MYO1C: variants seen among roughly 807,000 people sequenced by gnomAD.
MYO1C encodes myosin IC.
In MYO1C, 104 loss-of-function variants were observed where a neutral mutation model predicts 150.8. That is an observed-to-expected ratio of 0.69 (90% confidence interval 0.59 to 0.81). The LOEUF is 0.81. MYO1C is among the 30% of genes least tolerant of loss of function. The pLI is 0.00. For missense variants in MYO1C, 1,504 were observed against 1,435.0 expected, an observed-to-expected ratio of 1.05 and a Z score of -0.78; for synonymous variants, 663 against 579.9, an observed-to-expected ratio of 1.14 and a Z score of -2.06.
At position 1,474,604 on chromosome 17, in the gene MYO1C, C is replaced by G; in HGVS notation, c.1797+6G>C. ...ACCCCTGCGCCCGGTCCCGCCACCT[C>G]CTCACCGTCTCTGGCCGCTTCTTGT... On this transcript the variant is annotated splice_donor_region_variant and intron_variant, in intron 17 of 31. Coordinates refer to ENST00000648651, the MANE Select transcript of MYO1C (RefSeq NM_001080779.2). The G allele has an allele frequency of 1.2e-6, 2 of 1,613,748 alleles. No individual in the cohort carries two copies. Among genetic ancestry groups the G allele is most frequent in the Non-Finnish European group, 1.7e-6 (2 of 1,179,902 alleles).
At chr17:1,477,285 T>A in intron 14 of MYO1C, 1 of 584,026 alleles carries the variant, frequency 1.7e-6, no homozygotes. Flanking sequence ...GCTCAAGTGA[T>A]GCTCTTGCCC....
At chr17:1,470,721 A>AGC in intron 21 of MYO1C, 32 bp from the exon 22 acceptor site, 1 of 1,588,774 alleles carries the variant, frequency 6.3e-7, no homozygotes, top group Non-Finnish European at 8.5e-7. Context: ...AATTGGCCAG[A>AGC]GCGCGGGGAG....
At position 1,479,946 on chromosome 17, in the gene MYO1C, G is replaced by C. The variant is rs2150954792; in HGVS notation, c.907-241C>G. The stretch of plus-strand genomic sequence containing the variant: ...GGATCATCTGAGGTCAGGAGTTCGA[G>C]ACCAGCCCAGCCAACATGGCAAAAC... On this transcript the variant is annotated intron_variant, in intron 7 of 31. Transcript: ENST00000648651. This position sits in a 1 kb window ranked among gnomAD's most constrained non-coding sequence, Gnocchi z 4.2. Among the ~76,000 whole-genome samples the C allele has an allele frequency of 6.6e-6, 1 of 152,010 alleles. No homozygotes were observed. Among genetic ancestry groups the C allele is most frequent in the East Asian group, 1.9e-4 (1 of 5,156 alleles).
Position 1,478,356 on chromosome 17 carries a change from A to C in MYO1C, c.1295+54T>G, listed in dbSNP as rs367894460. ...GGAATGAGAGGCTGGAGGACAGAAG[A>C]GAGGGAGCAGGACAGGAGACCGGGA... On this transcript the variant is annotated intron_variant, in intron 11 of 31. Transcript: ENST00000648651. This position sits in a 1 kb window ranked among gnomAD's most constrained non-coding sequence, Gnocchi z 6.3. 4.4e-6 allele frequency: 7 copies of C among 1,605,246 alleles called. No individual in the cohort carries two copies. Among genetic ancestry groups the C allele is most frequent in the Non-Finnish European group, 6.0e-6 (7 of 1,172,120 alleles).
In MYO1C at chr17:1,479,464, C is replaced by T; in HGVS notation, c.1059G>A (p.Leu353=). 6.6e-7 allele frequency: 1 copy of T among 1,516,766 alleles called. No individual in the cohort carries two copies. The highest frequency in any genetic ancestry group is 8.9e-7 in the Non-Finnish European group (1 of 1,117,678). The allele number at this position is 1,516,766 out of a possible 1,614,324, so 94.0% of individuals were successfully genotyped here. The change falls in exon 9 of 32, where the codon CTG becomes CTA. Residue 353 remains leucine (L), a synonymous_variant. Coordinates refer to ENST00000648651, the MANE Select transcript of MYO1C (RefSeq NM_001080779.2). This position sits in a 1 kb window ranked among gnomAD's most constrained non-coding sequence, Gnocchi z 4.2. ...SVEGSTLREA[L]THRKIIAKGE... ...CCTTGGCGATGATCTTCCTGTGTGT[C>T]AGGGCTTCTCGCAGCGTCGAGCCTT... is the stretch of plus-strand genomic sequence containing the variant.
intron 14 of MYO1C, among the ~76,000 whole-genome samples, chr17:1,475,943 C>T (rs2074395608): frequency 6.6e-6 from 1 of 152,130 alleles, no homozygotes; most frequent in Admixed American, 6.6e-5. Context: ...GAGCCTTATA[C>T]ACAAGTTCTC....
Position 1,470,486 on chromosome 17 carries a change from A to C in MYO1C, c.2315T>G (p.Leu772Arg). Reference protein sequence around the residue: ...ICIQSWWRGTLGRRKAAKRKW... With the variant: ...ICIQSWWRGTRGRRKAAKRKW... The stretch of plus-strand genomic sequence containing the variant: ...CCTCTTGGCTGCCTTCCTCCGGCCC[A>C]GTGTTCCACGCCACCACGACTGGAT... The change falls in exon 23 of 32, where the codon CTG becomes CGG. Residue 772 changes from leucine to arginine, a missense_variant. Transcript: ENST00000648651. The C allele has an allele frequency of 6.4e-7, 1 of 1,551,416 alleles. No individual in the cohort carries two copies. The highest frequency in any genetic ancestry group is 8.7e-7 in the Non-Finnish European group (1 of 1,147,320).
At chr17:1,469,381 G>GC in intron 25 of MYO1C, 150 bp downstream of exon 25, 1 of 600,060 alleles carries the variant, frequency 1.7e-6, no homozygotes, top group Non-Finnish European at 2.9e-6. Flanking sequence ...GAGTAGACCA[G>GC]GGTAAATACG....
chr17:1,467,963 C>G (rs758111309), intron 28 of MYO1C, 25 bp downstream of exon 28: 20 of 1,612,838 alleles, frequency 1.2e-5, no homozygotes, highest in East Asian at 4.5e-5. Flanking sequence ...GGGCCCTCCC[C>G]CTGCAGCCCT....
Position 1,478,150 on chromosome 17 carries a change from C to T in MYO1C, c.1338G>A (p.Gln446=). ...FCINYCNEKL[Q]QLFIELTLKS... is the part of the protein sequence containing the mutation. Reference sequence around the variant, plus strand: ...TGAGCGTGAGCTCGATGAAGAGCTGCTGCAGCTTCTCGTTGCAGTAATTGA... The same window carrying T: ...TGAGCGTGAGCTCGATGAAGAGCTGTTGCAGCTTCTCGTTGCAGTAATTGA... Residue 446 remains glutamine, a synonymous_variant, in exon 12 of 32, where the codon CAG becomes CAA. Coordinates refer to ENST00000648651, the MANE Select transcript of MYO1C (RefSeq NM_001080779.2). This position sits in a 1 kb window ranked among gnomAD's most constrained non-coding sequence, Gnocchi z 6.3. 6.2e-7 allele frequency: 1 copy of T among 1,614,078 alleles called. No individual in the cohort carries two copies. The highest frequency in any genetic ancestry group is 8.5e-7 in the Non-Finnish European group (1 of 1,180,044).
chr17:1,478,375 A>AC lies in MYO1C; in HGVS notation c.1295+34dup, dbSNP rs780825270. 1 of 1,612,266 alleles carries AC rather than the reference A, an allele frequency of 6.2e-7. No homozygotes were observed. The highest frequency in any genetic ancestry group is 1.1e-5 in the South Asian group (1 of 91,060). On this transcript the variant is annotated intron_variant, in intron 11 of 31. Transcript: ENST00000648651. This position sits in a 1 kb window ranked among gnomAD's most constrained non-coding sequence, Gnocchi z 6.3. ...CAGAAGAGAGGGAGCAGGACAGGAGACCGGGAGGAGAGACGGGGGAAAGAT... is the reference window on the plus strand; with the variant it reads ...CAGAAGAGAGGGAGCAGGACAGGAGACCCGGGAGGAGAGACGGGGGAAAGAT...
In MYO1C at chr17:1,471,159, G is replaced by T. The variant is rs1390617169; in HGVS notation, c.2136-12C>A. On this transcript the variant is annotated splice_polypyrimidine_tract_variant and intron_variant, in intron 20 of 31. Coordinates refer to ENST00000648651, the MANE Select transcript of MYO1C (RefSeq NM_001080779.2). ...TGAAGATCTTGGTCCTGGGAGAGCA[G>T]TAGTGATCAGCCCGGGGTTGCCACT... 2 of 1,613,972 alleles carry T rather than the reference G, an allele frequency of 1.2e-6. No individual in the cohort carries two copies. The highest frequency in any genetic ancestry group is 1.7e-6 in the Non-Finnish European group (2 of 1,179,980).
At chr17:1,491,086 G>C (rs1441945876) in intron 1 of MYO1C, 1 of 152,292 alleles carries the variant, frequency 6.6e-6, no homozygotes, top group African/African-American at 2.4e-5. Flanking sequence ...CGAGGCACAC[G>C]GTGGGGCTCA....
chr17:1,485,373 C>A (rs2150965423), intron 1 of MYO1C: 10 of 159,290 alleles, frequency 6.3e-5, no homozygotes, highest in Non-Finnish European at 6.5e-5. Context: ...GGGGCCTGCC[C>A]CTCCCAGGCT....
At chr17:1,485,357 T>TGGCCTGGGGCATCACTCAGGGCCC in intron 1 of MYO1C, 1 of 1,076,046 alleles carries the variant, frequency 9.3e-7, no homozygotes, top group East Asian at 8.6e-5. Flanking sequence ...CCCAGATTTC[T>TGGCCTGGGGCATCACTCAGGGCCC]GGCCGGGGGC....
rs750436101 is a variant in MYO1C at position 1,478,138 on chromosome 17, G to C, written c.1350C>G (p.Ile450Met). The change falls in exon 12 of 32, where the codon ATC (isoleucine) becomes ATG (methionine). Residue 450 changes from isoleucine to methionine, a missense_variant. Coordinates refer to ENST00000648651, the MANE Select transcript of MYO1C (RefSeq NM_001080779.2). This position sits in a 1 kb window ranked among gnomAD's most constrained non-coding sequence, Gnocchi z 6.3. Reference protein sequence around the residue: ...YCNEKLQQLFIELTLKSEQEE... With the variant: ...YCNEKLQQLFMELTLKSEQEE... ...CCTGCTCCGACTTGAGCGTGAGCTCGATGAAGAGCTGCTGCAGCTTCTCGT... is the reference window on the plus strand; with the variant it reads ...CCTGCTCCGACTTGAGCGTGAGCTCCATGAAGAGCTGCTGCAGCTTCTCGT... 4.3e-6 allele frequency: 7 copies of C among 1,614,078 alleles called. No individual in the cohort carries two copies. Among genetic ancestry groups the C allele is most frequent in the African/African-American group, 2.7e-5 (2 of 75,078 alleles).
At position 1,469,484 on chromosome 17, in the gene MYO1C, C is replaced by T. The variant is rs757634309; in HGVS notation, c.2610+47G>A. The T allele has an allele frequency of 1.5e-5, 22 of 1,420,022 alleles. No homozygotes were observed. The Admixed American group carries it at 2.1e-4, about 13-fold the overall frequency. The allele number at this position is 1,420,022 out of a possible 1,614,324, so 88.0% of individuals were successfully genotyped here. A position where few individuals can be genotyped will look rare whatever the true frequency, so the allele number is the denominator to read the frequency against. ...GACACCCTTTGAGCAATGCTTGCGA[C>T]TCCCTGACTCCACTTCCTCATCCTC... On this transcript the variant is annotated intron_variant, in intron 25 of 31. Coordinates refer to ENST00000648651, the MANE Select transcript of MYO1C (RefSeq NM_001080779.2).
chr17:1,478,608 G>C lies in MYO1C; in HGVS notation c.1212+8C>G, dbSNP rs551865538. On this transcript the variant is annotated splice_region_variant and intron_variant, in intron 10 of 31. Coordinates refer to ENST00000648651, the MANE Select transcript of MYO1C (RefSeq NM_001080779.2). This position sits in a 1 kb window ranked among gnomAD's most constrained non-coding sequence, Gnocchi z 6.3. ...CTGCCTTGGGAGCAGTGTGGACCGA[G>C]CCCTCACCTTGGAGGCCAGCGACCT... is the stretch of plus-strand genomic sequence containing the variant. 3 of 1,613,906 alleles carry C rather than the reference G, an allele frequency of 1.9e-6. No individual in the cohort carries two copies. Among genetic ancestry groups the C allele is most frequent in the Middle Eastern group, 1.6e-4 (1 of 6,084 alleles).
chr17:1,475,972 A>G (rs2074396403), intron 14 of MYO1C, among the ~76,000 whole-genome samples: 2 of 152,230 alleles, frequency 1.3e-5, no homozygotes, highest in South Asian at 2.1e-4. Flanking sequence ...AAAAAAATGC[A>G]TAGAAAAAGG....
Sources: allele counts gnomAD v4.1 joint callset (sites outside exome capture counted in the v4.1 genomes callset), GRCh38; gene constraint gnomAD v4.1.1; non-coding constraint Gnocchi (gnomAD v3.1); transcripts MANE v1.5; gene names NCBI Gene and HGNC (gene_info 2026-07-23, HGNC 2026-07-21).